KIAA0319: variants seen among roughly 807,000 people sequenced by gnomAD.
KIAA0319 encodes KIAA0319, also known as dyslexia-associated protein KIAA0319.
KIAA0319 carries 83 observed loss-of-function variants against 108.4 expected under a neutral mutation model. The observed-to-expected ratio is 0.77, with a 90% CI of 0.64 to 0.92. KIAA0319 has a LOEUF of 0.92. Among genes scored for constraint, KIAA0319 ranks in the 40% least tolerant of loss-of-function variants. The probability of loss-of-function intolerance (pLI) is 0.00; values close to 1 mark genes in which losing one functional copy is unlikely to be tolerated. For missense variants in KIAA0319, 1,195 were observed against 1,322.4 expected (o/e 0.90, Z 1.49); for synonymous variants, 484 against 510.4 (o/e 0.95, Z 0.70).
chr6:24,542,821 TTCACCTGAACCAGTCAATCAGAGC>T (rs756702740), downstream of KIAA0319, among the ~76,000 whole-genome samples: 123 of 152,280 alleles, frequency 8.1e-4, no homozygotes, highest in South Asian at 1.5e-3. Flanking sequence ...AACTCCAGAG[TTCACCTGAACCAGTCAATCAGAGC>T]TCACCTGCCT....
At chr6:24,548,987 G>C (rs1363233906) in intron 20 of KIAA0319, among the ~76,000 whole-genome samples, 1 of 152,082 alleles carries the variant, frequency 6.6e-6, no homozygotes, top group African/African-American at 2.4e-5. Flanking sequence ...AAGAGGTGGG[G>C]CATTTGGGTG....
rs1178448667 is a variant in KIAA0319 at position 24,554,595 on chromosome 6, G to A, written c.2894C>T (p.Thr965Ile). 4 of 1,613,832 alleles carry A rather than the reference G, an allele frequency of 2.5e-6. No homozygotes were observed. The highest frequency in any genetic ancestry group is 1.7e-5 in the Admixed American group (1 of 59,994). Residue 965 changes from threonine (T) to isoleucine (I), a missense_variant, in exon 19 of 21, where the codon ACT becomes ATT. Transcript: ENST00000378214. Reference sequence around the variant, plus strand: ...GAAACCTCCTGTTAGCACAATAAGAGTAAAAGCCAACACTGTCACATAGAA... The same window carrying A: ...GAAACCTCCTGTTAGCACAATAAGAATAAAAGCCAACACTGTCACATAGAA... ...SIFYVTVLAF[T>I]LIVLTGGFTW...
chr6:24,575,778 C>T (rs1765396607), intron 10 of KIAA0319, among the ~76,000 whole-genome samples: 1 of 149,240 alleles, frequency 6.7e-6, no homozygotes, highest in African/African-American at 2.5e-5. Flanking sequence ...CAAATAATAA[C>T]ATAACTTCAA....
chr6:24,604,535 T>C (rs1771128357), intron 1 of KIAA0319, among the ~76,000 whole-genome samples: 3 of 152,212 alleles, frequency 2.0e-5, no homozygotes, highest in Non-Finnish European at 1.5e-5. Context: ...AAATGGACTA[T>C]AAGCCAAATT....
At chr6:24,626,500 C>A (rs1373994635) in intron 1 of KIAA0319, among the ~76,000 whole-genome samples, 1 of 152,078 alleles carries the variant, frequency 6.6e-6, no homozygotes, top group Non-Finnish European at 1.5e-5. Flanking sequence ...CCACTGCACT[C>A]CAGCCTGGGC....
intron 5 of KIAA0319, among the ~76,000 whole-genome samples, chr6:24,582,588 T>G (rs1418546891): frequency 6.6e-6 from 1 of 151,660 alleles, no homozygotes; most frequent in Non-Finnish European, 1.5e-5. Flanking sequence ...ACATGTATCT[T>G]CTTAATGTAA....
At chr6:24,616,461 G>C (rs1303368964) in intron 1 of KIAA0319, among the ~76,000 whole-genome samples, 1 of 152,124 alleles carries the variant, frequency 6.6e-6, no homozygotes, top group Non-Finnish European at 1.5e-5. Flanking sequence ...GGGTTCAAGC[G>C]ATTCTCCTGC....
At chr6:24,551,300 CCAG>C (rs1761460102) in intron 20 of KIAA0319, 131 bp downstream of exon 20, 1 of 674,504 alleles carries the variant, frequency 1.5e-6, no homozygotes. Context: ...TCACAGAATC[CCAG>C]CCTCACTCTT....
At chr6:24,568,180 C>T (rs780840892) in intron 13 of KIAA0319, among the ~76,000 whole-genome samples, 4 of 152,196 alleles carry the variant, frequency 2.6e-5, no homozygotes, top group Admixed American at 1.3e-4. Flanking sequence ...AATGCTTGAA[C>T]CTTTCCATCC....
intron 5 of KIAA0319, chr6:24,583,100 CAAATG>C: frequency 1.0e-6 from 1 of 985,470 alleles, no homozygotes; most frequent in Non-Finnish European, 1.2e-6. Context: ...GGTCCCAGGT[CAAATG>C]CTTACTGAAT....
rs114079554 is a variant in KIAA0319 at position 24,549,858 on chromosome 6, C to T, written c.3040+1576G>A. Among the ~76,000 whole-genome samples the T allele has an allele frequency of 2.9e-3, 445 of 152,008 alleles. 3 individuals are homozygous for T. Among genetic ancestry groups the T allele is most frequent in the Non-Finnish European group, 4.9e-3 (334 of 67,996 alleles). ...AAAGAGGGCAAGAGTCTAGCAAGTGCGGGTGTCTGGAGTGGGGGGCGGTGT... is the reference window on the plus strand; with the variant it reads ...AAAGAGGGCAAGAGTCTAGCAAGTGTGGGTGTCTGGAGTGGGGGGCGGTGT... On this transcript the variant is annotated intron_variant, in intron 20 of 20. Transcript: ENST00000378214.
intron 4 of KIAA0319, 112 bp downstream of exon 4, chr6:24,588,481 A>G (rs1767908201): frequency 1.2e-6 from 1 of 846,482 alleles, no homozygotes; most frequent in Non-Finnish European, 1.9e-6. Context: ...GGCACATGAT[A>G]GATGCTGAAA....
chr6:24,549,326 CAAAAA>C (rs35975247), intron 20 of KIAA0319, among the ~76,000 whole-genome samples: 3 of 115,610 alleles, frequency 2.6e-5, no homozygotes, highest in Non-Finnish European at 3.4e-5. Flanking sequence ...ACTCTGTCTC[CAAAAA>C]AAAAAAAAAA....
At chr6:24,577,553 G>C (rs1234996181) in intron 9 of KIAA0319, among the ~76,000 whole-genome samples, 3 of 152,170 alleles carry the variant, frequency 2.0e-5, no homozygotes, top group East Asian at 3.8e-4. Context: ...ATGGTGGTGG[G>C]AGCAGTGATG....
rs772776096 is a variant in KIAA0319 at position 24,583,683 on chromosome 6, C to T, written c.1014G>A (p.Ser338=). The change falls in exon 5 of 21, where the codon TCG becomes TCA. Residue 338 remains serine, a synonymous_variant. Transcript: ENST00000378214. ...AAGTTATAATTAGGTTATCTCCAGCCGATACCGTAAGTTCTTTCACTAAAA... is the reference window on the plus strand; with the variant it reads ...AAGTTATAATTAGGTTATCTCCAGCTGATACCGTAAGTTCTTTCACTAAAA... ...APRTVKELTV[S]AGDNLIITLP... is the part of the protein sequence containing the mutation. The T allele has an allele frequency of 1.3e-5, 21 of 1,612,010 alleles. No individual in the cohort carries two copies. The South Asian group carries it at 1.9e-4, about 14-fold the overall frequency.
intron 1 of KIAA0319, among the ~76,000 whole-genome samples, chr6:24,605,123 G>A (rs533447458): frequency 6.6e-5 from 10 of 152,208 alleles, no homozygotes; most frequent in Admixed American, 1.3e-4. Flanking sequence ...TTATAGGCAT[G>A]AGCCACCATG....
Position 24,564,236 on chromosome 6 carries a change from C to T in KIAA0319, c.2397G>A (p.Ser799=), listed in dbSNP as rs571054596. The T allele has an allele frequency of 2.5e-5, 40 of 1,614,040 alleles. No individual in the cohort carries two copies. The highest frequency in any genetic ancestry group is 1.6e-4 in the Middle Eastern group (1 of 6,062). The change falls in exon 15 of 21, where the codon TCG becomes TCA. Residue 799 remains serine (S), a synonymous_variant. Transcript: ENST00000378214. ...HLRVTDSQGA[S]DTDTATVEVQ... is the part of the protein sequence containing the mutation. Reference sequence around the variant, plus strand: ...CTTCCACAGTGGCAGTGTCTGTGTCCGAGGCCCCCTGACTGTCGGTGACTC... The same window carrying T: ...CTTCCACAGTGGCAGTGTCTGTGTCTGAGGCCCCCTGACTGTCGGTGACTC...
chr6:24,637,692 G>C (rs1277254064), intron 1 of KIAA0319, among the ~76,000 whole-genome samples: 1 of 152,070 alleles, frequency 6.6e-6, no homozygotes, highest in Non-Finnish European at 1.5e-5. Context: ...TATGGCCTTA[G>C]GACACAGGGG....
Position 24,576,203 on chromosome 6 carries a change from T to C in KIAA0319, c.1734+165A>G, listed in dbSNP as rs930147007. Among the ~76,000 whole-genome samples, 8 of 152,206 alleles carry C rather than the reference T, an allele frequency of 5.3e-5. No homozygotes were observed. The East Asian group carries it at 7.7e-4, about 15-fold the overall frequency. ...GTGGGCGAGGGGAAGGGATGTAAAC[T>C]TGGAAGATTTGTGAGCTTAGGTCCT... On this transcript the variant is annotated intron_variant, in intron 10 of 20. Coordinates refer to ENST00000378214, the MANE Select transcript of KIAA0319 (RefSeq NM_014809.4).
Sources: allele counts gnomAD v4.1 joint callset (sites outside exome capture counted in the v4.1 genomes callset), GRCh38; gene constraint gnomAD v4.1.1; transcripts MANE v1.5; gene names NCBI Gene and HGNC (gene_info 2026-07-23, HGNC 2026-07-21).